Variants in SLC16A2 observed in about 807,000 individuals in gnomAD.
SLC16A2 encodes the protein monocarboxylate transporter 8.
Under a neutral mutation model 27.2 loss-of-function variants are expected in SLC16A2, and 3 were observed. The observed-to-expected ratio is 0.11, with a 90% CI of 0.05 to 0.28. The LOEUF (loss-of-function observed/expected upper bound fraction) is 0.28, where lower values mean the gene tolerates loss of function less well. Among genes scored for constraint, SLC16A2 ranks in the 10% least tolerant of loss-of-function variants. SLC16A2 has a pLI of 1.00. For synonymous variants in SLC16A2, 202 were observed against 187.8 expected (o/e 1.08, Z -0.62); for missense variants, 295 against 458.5 (o/e 0.64, Z 3.26).
intron 1 of SLC16A2, among the ~76,000 whole-genome samples, chrX:74,424,963 A>G (rs1264509833): frequency 2.7e-5 from 3 of 112,156 alleles, no homozygotes; most frequent in Non-Finnish European, 5.6e-5. Flanking sequence ...GGCACAAGCA[A>G]TCGTCCCACC....
intron 1 of SLC16A2, among the ~76,000 whole-genome samples, chrX:74,442,699 G>A (rs967794114): frequency 8.9e-6 from 1 of 112,617 alleles, no homozygotes; most frequent in African/African-American, 3.2e-5. Context: ...GCTCACGCCT[G>A]TAATCCCAGC....
At chrX:74,489,257 G>T (rs1929779537) in intron 1 of SLC16A2, among the ~76,000 whole-genome samples, 1 of 111,385 alleles carries the variant, frequency 9.0e-6, no homozygotes, top group Non-Finnish European at 1.9e-5. Flanking sequence ...AAATATAAGG[G>T]TATTTTTTAC....
chrX:74,448,669 C>G (rs764412751), intron 1 of SLC16A2, among the ~76,000 whole-genome samples: 1 of 110,733 alleles, frequency 9.0e-6, no homozygotes, highest in East Asian at 2.8e-4. Flanking sequence ...TTGGTGTCCC[C>G]CTTCCTTCAA....
intron 1 of SLC16A2, among the ~76,000 whole-genome samples, chrX:74,485,099 C>T (rs1346423487): frequency 9.2e-6 from 1 of 109,263 alleles, no homozygotes; most frequent in African/African-American, 3.3e-5. Flanking sequence ...GCCTGTAATC[C>T]CAGCTACTCG....
chrX:74,474,456 G>A (rs1378808285), intron 1 of SLC16A2, among the ~76,000 whole-genome samples: 3 of 103,935 alleles, frequency 2.9e-5, no homozygotes, highest in Non-Finnish European at 3.9e-5. Flanking sequence ...GTTCTAGCAG[G>A]TTTTTTTGCA....
At chrX:74,500,390 G>A (rs1930010742) in intron 1 of SLC16A2, among the ~76,000 whole-genome samples, 1 of 111,473 alleles carries the variant, frequency 9.0e-6, no homozygotes, top group Non-Finnish European at 1.9e-5. Flanking sequence ...CTATATTCTG[G>A]AATAGAATGT....
At chrX:74,497,488 C>A (rs1284297747) in intron 1 of SLC16A2, among the ~76,000 whole-genome samples, 1 of 109,411 alleles carries the variant, frequency 9.1e-6, no homozygotes, top group African/African-American at 3.3e-5. Context: ...ACTAGAGGTT[C>A]TCAAAGTTTT....
intron 1 of SLC16A2, among the ~76,000 whole-genome samples, chrX:74,453,569 T>A (rs778793091): frequency 9.0e-6 from 1 of 111,520 alleles, no homozygotes; most frequent in Non-Finnish European, 1.9e-5. Context: ...AAAACTGTTA[T>A]TTTTTATTTA....
intron 1 of SLC16A2, among the ~76,000 whole-genome samples, chrX:74,506,989 G>A (rs1232785573): frequency 1.9e-5 from 2 of 106,324 alleles, no homozygotes; most frequent in Non-Finnish European, 3.8e-5. Context: ...CTGGAGTGCA[G>A]TGGTGCAATC....
chrX:74,484,341 T>C (rs924397248), intron 1 of SLC16A2, among the ~76,000 whole-genome samples: 1 of 111,975 alleles, frequency 8.9e-6, no homozygotes, highest in African/African-American at 3.2e-5. Context: ...GCTTCCAGGC[T>C]ATAGGTAAAT....
intron 1 of SLC16A2, among the ~76,000 whole-genome samples, chrX:74,434,247 T>C (rs776708754): frequency 8.9e-6 from 1 of 112,256 alleles, no homozygotes; most frequent in South Asian, 3.7e-4. Context: ...GTATATTACA[T>C]TGAATGCAAT....
intron 1 of SLC16A2, among the ~76,000 whole-genome samples, chrX:74,509,399 T>C (rs1401338621): frequency 8.9e-6 from 1 of 112,077 alleles, no homozygotes; most frequent in Non-Finnish European, 1.9e-5. Flanking sequence ...TTTTTAAAAT[T>C]TTGAATGGAT....
At chrX:74,502,136 T>C (rs963796766) in intron 1 of SLC16A2, among the ~76,000 whole-genome samples, 1 of 111,617 alleles carries the variant, frequency 9.0e-6, no homozygotes, top group Non-Finnish European at 1.9e-5. Flanking sequence ...TTTGTGACTT[T>C]GGGTGATATC....
chrX:74,482,702 TG>T (rs1390735461), intron 1 of SLC16A2, among the ~76,000 whole-genome samples: 17 of 111,043 alleles, frequency 1.5e-4, no homozygotes, highest in African/African-American at 5.2e-4. Flanking sequence ...TTCTTTTAGT[TG>T]TTTTTTTTTT....
intron 1 of SLC16A2, among the ~76,000 whole-genome samples, chrX:74,498,890 G>A (rs1335615325): frequency 1.8e-5 from 2 of 111,285 alleles, no homozygotes; most frequent in African/African-American, 6.5e-5. Flanking sequence ...TCCACCTGGG[G>A]GTTTTTGCTT....
In SLC16A2 at chrX:74,421,626, C is replaced by A. The variant is rs753339521; in HGVS notation, c.-12C>A. 3.7e-5 allele frequency: 45 copies of A among 1,201,104 alleles called. No individual in the cohort carries two copies. The highest frequency in any genetic ancestry group is 1.1e-4 in the South Asian group (6 of 55,926). ...CTCCTCTGGCCCAAGCAGCCACAGT[C>A]CCCCCGCCGCGATGGCGCTGCAAAG... On this transcript the variant is annotated 5_prime_UTR_variant, in exon 1 of 6. Coordinates refer to ENST00000587091, the MANE Select transcript of SLC16A2 (RefSeq NM_006517.5).
chrX:74,531,438 A>T lies in SLC16A2; in HGVS notation c.1505A>T (p.Gln502Leu), dbSNP rs781528210. ...VILFFVPLMH[Q>L]RMFKKEQRDS... ...CTCTTCTTCGTCCCTCTGATGCATC[A>T]AAGGATGTTCAAGAAAGAGCAGAGA... is the stretch of plus-strand genomic sequence containing the variant. The change falls in exon 6 of 6, where the codon CAA (glutamine) becomes CTA (leucine). Residue 502 changes from glutamine (Q) to leucine (L), a missense_variant. Physicochemically the swap from Gln to Leu is moderately radical, Grantham distance 113 (BLOSUM62 -2). This residue lies in a region of SLC16A2 where 144 missense variants were observed against 219.8 expected (regional missense o/e 0.66). Coordinates refer to ENST00000587091, the MANE Select transcript of SLC16A2 (RefSeq NM_006517.5). 8.3e-6 allele frequency: 10 copies of T among 1,211,165 alleles called. No homozygotes were observed. In the South Asian group the frequency reaches 1.4e-4, roughly 17 times the overall value.
chrX:74,473,222 C>T, intron 1 of SLC16A2: 1 of 792,355 alleles, frequency 1.3e-6, no homozygotes, highest in South Asian at 2.1e-5. Context: ...TTGCTTCCAT[C>T]ATTACCAAAT....
chrX:74,473,887 A>G, intron 1 of SLC16A2: 1 of 469,055 alleles, frequency 2.1e-6, no homozygotes, highest in South Asian at 3.2e-5. Flanking sequence ...GTTGTTTCAA[A>G]GCTCAACCCT....
Sources: allele counts gnomAD v4.1 joint callset (sites outside exome capture counted in the v4.1 genomes callset), GRCh38; gene constraint gnomAD v4.1.1; regional missense constraint gnomAD v4.1.1; transcripts MANE v1.5; gene names NCBI Gene and HGNC (gene_info 2026-07-23, HGNC 2026-07-21).